SPATS2L: variants seen among roughly 807,000 people sequenced by gnomAD.
SPATS2L encodes the protein spermatogenesis associated serine rich 2 like, also known as SPATS2-like protein.
A neutral mutation model predicts 59.6 loss-of-function variants in SPATS2L; 30 were observed. The ratio of observed to expected loss-of-function variants is 0.50; its 90% CI spans 0.38 to 0.68. The LOEUF (loss-of-function observed/expected upper bound fraction) is 0.68, where lower values mean the gene tolerates loss of function less well. Ranked by LOEUF, SPATS2L falls within the 30% of genes least tolerant of loss-of-function variation. The pLI, the probability that SPATS2L is intolerant of heterozygous loss-of-function variation, is 0.00. For synonymous variants in SPATS2L, 252 were observed against 263.5 expected (o/e 0.96, Z 0.42); for missense variants, 615 against 700.0 (o/e 0.88, Z 1.37).
intron 12 of SPATS2L, among the ~76,000 whole-genome samples, chr2:200,473,518 G>T (rs1193645796): frequency 6.6e-6 from 1 of 152,210 alleles, no homozygotes; most frequent in African/African-American, 2.4e-5. Context: ...AGAGGCTAAA[G>T]TTAGTGCAGT....
intron 1 of SPATS2L, among the ~76,000 whole-genome samples, chr2:200,323,003 G>T (rs1303383768): frequency 2.0e-5 from 3 of 152,120 alleles, no homozygotes; most frequent in Non-Finnish European, 4.4e-5. Flanking sequence ...TTTAGTTTTT[G>T]CAAGGGAGAA....
chr2:200,409,173 C>T (rs766374231), intron 3 of SPATS2L, among the ~76,000 whole-genome samples: 5 of 152,294 alleles, frequency 3.3e-5, no homozygotes, highest in Middle Eastern at 6.8e-3. Context: ...ACAGCCGCTG[C>T]GGGCGTGAAT....
In SPATS2L at chr2:200,448,304, T is replaced by C. The variant is rs530416536; in HGVS notation, c.788+7520T>C. ...TAAAAATACAAAAATAAGCCCGGTG[T>C]GGTGGTGCATGCCTGCAATCCCAGC... is the stretch of plus-strand genomic sequence containing the variant. On this transcript the variant is annotated intron_variant, in intron 8 of 12. Coordinates refer to ENST00000409140, the MANE Select transcript of SPATS2L (RefSeq NM_001100423.2). Among the ~76,000 whole-genome samples the C allele has an allele frequency of 2.6e-5, 4 of 152,182 alleles. No individual in the cohort carries two copies. The South Asian group carries it at 8.3e-4, about 32-fold the overall frequency.
chr2:200,443,123 A>G (rs2084806800), intron 8 of SPATS2L, among the ~76,000 whole-genome samples: 1 of 152,218 alleles, frequency 6.6e-6, no homozygotes, highest in Non-Finnish European at 1.5e-5. Flanking sequence ...GCTCTTTAAA[A>G]TCAACTATGC....
intron 12 of SPATS2L, among the ~76,000 whole-genome samples, chr2:200,476,806 A>T (rs2087555557): frequency 6.6e-6 from 1 of 152,250 alleles, no homozygotes. Context: ...ACTTTTCTGT[A>T]TCCTGAGCTC....
At chr2:200,327,975 G>T (rs1559042112) in intron 1 of SPATS2L, among the ~76,000 whole-genome samples, 1 of 152,126 alleles carries the variant, frequency 6.6e-6, no homozygotes, top group Non-Finnish European at 1.5e-5. Context: ...TGTCACTTCG[G>T]TTTGTTGCAT....
intron 10 of SPATS2L, among the ~76,000 whole-genome samples, chr2:200,468,617 T>TG (rs2106223072): frequency 6.6e-6 from 1 of 152,326 alleles, no homozygotes; most frequent in East Asian, 1.9e-4. Flanking sequence ...TCAGCTTCTC[T>TG]GCTCTGGCCT....
At chr2:200,381,225 G>T (rs987006609) in intron 2 of SPATS2L, among the ~76,000 whole-genome samples, 1 of 152,184 alleles carries the variant, frequency 6.6e-6, no homozygotes, top group African/African-American at 2.4e-5. Flanking sequence ...GGCCCTGGAT[G>T]GTTAGTCTCT....
At chr2:200,375,398 A>C (rs1489583131) in intron 2 of SPATS2L, among the ~76,000 whole-genome samples, 1 of 152,202 alleles carries the variant, frequency 6.6e-6, no homozygotes, top group Non-Finnish European at 1.5e-5. Context: ...ATAAGGCTCT[A>C]CAGTAAGAAG....
chr2:200,435,958 T>C (rs2084259329), intron 6 of SPATS2L, among the ~76,000 whole-genome samples: 1 of 152,182 alleles, frequency 6.6e-6, no homozygotes, highest in African/African-American at 2.4e-5. Flanking sequence ...TAAAGTAATA[T>C]TTTAAATTTT....
intron 6 of SPATS2L, among the ~76,000 whole-genome samples, chr2:200,433,310 A>G (rs1327883792): frequency 6.6e-6 from 1 of 152,128 alleles, no homozygotes; most frequent in Non-Finnish European, 1.5e-5. Flanking sequence ...GATTTGAACA[A>G]TACTATCAAC....
chr2:200,337,724 C>G (rs1189989310), intron 2 of SPATS2L, among the ~76,000 whole-genome samples: 2 of 152,204 alleles, frequency 1.3e-5, no homozygotes, highest in African/African-American at 4.8e-5. Context: ...GCTTTGTCCT[C>G]TAAAAGCTTG....
chr2:200,387,621 T>C (rs2082032437), intron 2 of SPATS2L, among the ~76,000 whole-genome samples: 1 of 152,076 alleles, frequency 6.6e-6, no homozygotes. Context: ...TAAAAGAAAA[T>C]AGTGGGGAAG....
chr2:200,381,756 T>A (rs2081819823), intron 2 of SPATS2L, among the ~76,000 whole-genome samples: 1 of 152,196 alleles, frequency 6.6e-6, no homozygotes, highest in Non-Finnish European at 1.5e-5. Flanking sequence ...AAATCAGTGC[T>A]GATTCTTCCC....
rs145370668 is a variant in SPATS2L, at chr2:200,372,412, G to A, written c.-22-16811G>A. 9.1e-4 allele frequency among the ~76,000 whole-genome samples: 139 copies of A among 152,172 alleles called. 1 individual carries two copies. Among genetic ancestry groups the A allele is most frequent in the African/African-American group, 3.3e-3 (139 of 41,542 alleles). On this transcript the variant is annotated intron_variant, in intron 2 of 12. Coordinates refer to ENST00000409140, the MANE Select transcript of SPATS2L (RefSeq NM_001100423.2). ...AAAGGGAAAGGAACATAAGGAGATA[G>A]TAAGTTAAGGAATGGATAAGAAAGA...
rs1418570140 is a variant in SPATS2L, at chr2:200,469,930, G to A, written c.974G>A (p.Arg325His). The A allele has an allele frequency of 1.2e-6, 2 of 1,610,266 alleles. No homozygotes were observed. Among genetic ancestry groups the A allele is most frequent in the Admixed American group, 1.7e-5 (1 of 59,536 alleles). Reference protein sequence around the residue: ...RAEIKHFVSERKYDEELGKAA... With the variant: ...RAEIKHFVSEHKYDEELGKAA... ...TTCCTCCAGCACTTTGTCAGCGAGC[G>A]TAAATATGACGAGGAGCTCGGGAAA... Residue 325 changes from arginine to histidine, a missense_variant, in exon 11 of 13, where the codon CGT becomes CAT. Physicochemically the swap from Arg to His is conservative, Grantham distance 29. This residue lies in a region of SPATS2L where 104 missense variants were observed against 162.5 expected (regional missense o/e 0.64). Coordinates refer to ENST00000409140, the MANE Select transcript of SPATS2L (RefSeq NM_001100423.2).
intron 6 of SPATS2L, among the ~76,000 whole-genome samples, chr2:200,421,223 C>T (rs1301543303): frequency 6.6e-6 from 1 of 152,114 alleles, no homozygotes; most frequent in Non-Finnish European, 1.5e-5. Flanking sequence ...CAGTATCCGA[C>T]TGAGTGCTCC....
intron 2 of SPATS2L, among the ~76,000 whole-genome samples, chr2:200,341,452 G>A (rs2080322103): frequency 6.6e-6 from 1 of 152,168 alleles, no homozygotes; most frequent in African/African-American, 2.4e-5. Flanking sequence ...ACTTAATTGT[G>A]ATGTGCTGAA....
intron 2 of SPATS2L, among the ~76,000 whole-genome samples, chr2:200,370,912 G>A (rs909355333): frequency 6.6e-6 from 1 of 152,140 alleles, no homozygotes; most frequent in African/African-American, 2.4e-5. Context: ...ACCTTAATAG[G>A]CTTGAGAAAT....
Sources: allele counts gnomAD v4.1 joint callset (sites outside exome capture counted in the v4.1 genomes callset), GRCh38; gene constraint gnomAD v4.1.1; regional missense constraint gnomAD v4.1.1; transcripts MANE v1.5; gene names NCBI Gene and HGNC (gene_info 2026-07-23, HGNC 2026-07-21).